Variants in ITSN2 observed in about 807,000 individuals in gnomAD.
ITSN2 encodes intersectin 2, also known as intersectin-2.
In ITSN2, 156 loss-of-function variants were observed where a neutral mutation model predicts 243.7. The observed-to-expected ratio is 0.64, with a 90% CI of 0.56 to 0.73. ITSN2 has a LOEUF of 0.73. Among genes scored for constraint, ITSN2 ranks in the 30% least tolerant of loss-of-function variants. The pLI, the probability that ITSN2 is intolerant of heterozygous loss-of-function variation, is 0.00. For synonymous variants in ITSN2, 703 were observed against 699.9 expected (o/e 1.00, Z -0.07); for missense variants, 1,801 against 1,996.1 (o/e 0.90, Z 1.86).
intron 23 of ITSN2, among the ~76,000 whole-genome samples, chr2:24,257,000 G>C (rs550207414): frequency 2.0e-5 from 3 of 152,236 alleles, no homozygotes; most frequent in African/African-American, 4.8e-5. Context: ...AAAATGAAAA[G>C]TAACTTTTCT....
intron 32 of ITSN2, among the ~76,000 whole-genome samples, chr2:24,214,216 G>A (rs759090318): frequency 1.1e-4 from 17 of 152,162 alleles, no homozygotes; most frequent in Non-Finnish European, 2.2e-4. Context: ...TTAATTAAGA[G>A]TTTAACAGCT....
rs1558414002 is a variant in ITSN2, at chr2:24,203,207, T to C, written c.*419A>G. 2 of 158,618 alleles carry C rather than the reference T, an allele frequency of 1.3e-5. No individual in the cohort carries two copies. Among genetic ancestry groups the C allele is most frequent in the African/African-American group, 2.4e-5 (1 of 41,638 alleles). The allele number at this position is 158,618 out of a possible 1,614,324, so 9.8% of individuals were successfully genotyped here. ...AGGCTGCAGCCTCTCATCCTGACCC[T>C]TCCCCTCCTGAGTGGCTGTGACCCA... On this transcript the variant is annotated 3_prime_UTR_variant, in exon 40 of 40. Coordinates refer to ENST00000355123, the MANE Select transcript of ITSN2 (RefSeq NM_006277.3).
intron 2 of ITSN2, among the ~76,000 whole-genome samples, chr2:24,319,842 C>A (rs1684347619): frequency 6.6e-6 from 1 of 152,164 alleles, no homozygotes; most frequent in African/African-American, 2.4e-5. Flanking sequence ...CTGTGGAAAC[C>A]ATGCATTAAC....
At chr2:24,259,822 A>C (rs1488301300) in intron 22 of ITSN2, among the ~76,000 whole-genome samples, 1 of 152,098 alleles carries the variant, frequency 6.6e-6, no homozygotes, top group Non-Finnish European at 1.5e-5. Flanking sequence ...CCCCCTACAG[A>C]CCTTGTAGAT....
Position 24,301,975 on chromosome 2 carries a change from G to T in ITSN2, c.985C>A (p.Pro329Thr). Residue 329 changes from proline to threonine, a missense_variant, in exon 10 of 40, where the codon CCA becomes ACA. Pro to Thr is a conservative substitution (Grantham distance 38). This residue lies in a region of ITSN2 where 787 missense variants were observed against 803.9 expected (regional missense o/e 0.98). Transcript: ENST00000355123. Reference sequence around the variant, plus strand: ...TCCAGGCACACTCACCTGAAAGATGGAGGAACAAGCTCAGGAGGTAAAGTC... The same window carrying T: ...TCCAGGCACACTCACCTGAAAGATGTAGGAACAAGCTCAGGAGGTAAAGTC... ...PLTLPPELVP[P>T]SFRGGKQIDS... The T allele has an allele frequency of 6.2e-7, 1 of 1,608,804 alleles. No individual in the cohort carries two copies. Among genetic ancestry groups the T allele is most frequent in the Non-Finnish European group, 8.5e-7 (1 of 1,177,188 alleles).
chr2:24,222,637 A>T (rs1670575716), intron 29 of ITSN2, among the ~76,000 whole-genome samples: 1 of 149,024 alleles, frequency 6.7e-6, no homozygotes. Context: ...GTTGGTATGC[A>T]TATTCCCATT....
intron 6 of ITSN2, 45 bp downstream of exon 6, chr2:24,310,440 GTTTC>G: frequency 6.2e-7 from 1 of 1,606,486 alleles, no homozygotes; most frequent in Non-Finnish European, 8.5e-7. Context: ...AACACAAATA[GTTTC>G]TTTCTTTACA....
In ITSN2 at chr2:24,218,016, A is replaced by G. The variant is rs759162434; in HGVS notation, c.3700-3T>C. The G allele has an allele frequency of 7.5e-6, 12 of 1,609,196 alleles. No individual in the cohort carries two copies. The highest frequency in any genetic ancestry group is 2.2e-5 in the East Asian group (1 of 44,858). On this transcript the variant is annotated splice_polypyrimidine_tract_variant and splice_region_variant and intron_variant, in intron 30 of 39. Coordinates refer to ENST00000355123, the MANE Select transcript of ITSN2 (RefSeq NM_006277.3). ...TCTGCCATGCGTTTCTGAAAAACCTAAAGTCAAAACATAGAAAAACTAGTT... is the reference window on the plus strand; with the variant it reads ...TCTGCCATGCGTTTCTGAAAAACCTGAAGTCAAAACATAGAAAAACTAGTT...
intron 17 of ITSN2, among the ~76,000 whole-genome samples, chr2:24,278,077 T>G (rs186128196): frequency 6.6e-6 from 1 of 152,318 alleles, no homozygotes; most frequent in East Asian, 1.9e-4. Flanking sequence ...GTTATTATTA[T>G]TGGATGAAGT....
At chr2:24,256,403 A>G (rs1260322170) in intron 23 of ITSN2, among the ~76,000 whole-genome samples, 1 of 152,242 alleles carries the variant, frequency 6.6e-6, no homozygotes, top group Non-Finnish European at 1.5e-5. Flanking sequence ...TATTCCTTAC[A>G]GCCTGGCAAA....
intron 3 of ITSN2, among the ~76,000 whole-genome samples, chr2:24,314,021 T>C (rs866422903): frequency 2.0e-5 from 3 of 152,198 alleles, no homozygotes; most frequent in African/African-American, 7.2e-5. Flanking sequence ...CGGTAACGTT[T>C]CCCACTGAGA....
chr2:24,329,996 ACTAT>A (rs1262179950), intron 1 of ITSN2, among the ~76,000 whole-genome samples: 1 of 152,228 alleles, frequency 6.6e-6, no homozygotes, highest in Non-Finnish European at 1.5e-5. Flanking sequence ...CTAAAAACAA[ACTAT>A]CTACTTAACA....
rs189523386 is a variant in ITSN2, at chr2:24,309,008, T to C, written c.654-252A>G. The C allele has an allele frequency of 2.5e-3, 1,064 of 423,576 alleles. 5 individuals are homozygous for C. Among genetic ancestry groups the C allele is most frequent in the Non-Finnish European group, 4.0e-3 (812 of 205,568 alleles). The allele number at this position is 423,576 out of a possible 1,614,324, so 26.2% of individuals were successfully genotyped here. On this transcript the variant is annotated intron_variant, in intron 7 of 39. Transcript: ENST00000355123. ...ATAAGAGTGCAAACCCTATTGTGAA[T>C]GGCACATGTGAGGGACCTAGGTTGG...
Position 24,208,907 on chromosome 2 carries a change from C to G in ITSN2, c.4595+193G>C, listed in dbSNP as rs556706560. On this transcript the variant is annotated intron_variant, in intron 36 of 39. Coordinates refer to ENST00000355123, the MANE Select transcript of ITSN2 (RefSeq NM_006277.3). ...AGTGGTGTGGGGAGAGACTAGAAGC[C>G]GGGAAGCATGTTAGGAGGCAGCTGC... Among the ~76,000 whole-genome samples, 6 of 152,212 alleles carry G rather than the reference C, an allele frequency of 3.9e-5. No homozygotes were observed. In the South Asian group the frequency reaches 1.2e-3, roughly 32 times the overall value.
chr2:24,289,543 G>A (rs376057003), intron 15 of ITSN2, among the ~76,000 whole-genome samples: 1 of 152,296 alleles, frequency 6.6e-6, no homozygotes, highest in African/African-American at 2.4e-5. Flanking sequence ...GTCATCTGCA[G>A]ACAGGGATAA....
chr2:24,209,479 G>A (rs1284821275), intron 35 of ITSN2, among the ~76,000 whole-genome samples: 1 of 152,250 alleles, frequency 6.6e-6, no homozygotes, highest in Non-Finnish European at 1.5e-5. Context: ...CGCCCATGAC[G>A]GCTGGTGCAA....
chr2:24,313,424 T>C (rs762298374), intron 4 of ITSN2, 36 bp downstream of exon 4: 1 of 1,560,062 alleles, frequency 6.4e-7, no homozygotes, highest in South Asian at 1.1e-5. Flanking sequence ...AACAAAATAC[T>C]ATCAGAAAAT....
chr2:24,300,922 G>A (rs1278984361), intron 11 of ITSN2, among the ~76,000 whole-genome samples: 1 of 152,116 alleles, frequency 6.6e-6, no homozygotes. Flanking sequence ...CTTTAACTCA[G>A]ATGTCTATAA....
At chr2:24,329,549 A>G (rs1685542813) in intron 1 of ITSN2, among the ~76,000 whole-genome samples, 2 of 152,188 alleles carry the variant, frequency 1.3e-5, no homozygotes, top group Non-Finnish European at 2.9e-5. Flanking sequence ...CTGGGATTAC[A>G]GGCCACTGTG....
Sources: allele counts gnomAD v4.1 joint callset (sites outside exome capture counted in the v4.1 genomes callset), GRCh38; gene constraint gnomAD v4.1.1; regional missense constraint gnomAD v4.1.1; transcripts MANE v1.5; gene names NCBI Gene and HGNC (gene_info 2026-07-23, HGNC 2026-07-21).